CD99L2: variants seen among roughly 807,000 people sequenced by gnomAD.
CD99L2 encodes CD99 molecule like 2, also known as CD99 antigen-like protein 2.
A neutral mutation model predicts 27.3 loss-of-function variants in CD99L2; 24 were observed. That is an observed-to-expected ratio of 0.88 (90% CI 0.64 to 1.24). The LOEUF (loss-of-function observed/expected upper bound fraction) is 1.24. Ranked by LOEUF, CD99L2 falls within the 50% of genes most tolerant of loss-of-function variation. The pLI is 0.00. For synonymous variants in CD99L2, 97 were observed against 87.9 expected, an observed-to-expected ratio of 1.10 and a Z score of -0.58; for missense variants, 255 against 221.6, an observed-to-expected ratio of 1.15 and a Z score of -0.96.
At chrX:150,882,762 G>A (rs1442708023) in intron 1 of CD99L2, among the ~76,000 whole-genome samples, 1 of 110,339 alleles carries the variant, frequency 9.1e-6, no homozygotes, top group Non-Finnish European at 1.9e-5. Flanking sequence ...TTCTAGTAAT[G>A]GCAAAATAGA....
intron 2 of CD99L2, chrX:150,829,285 C>A: frequency 3.7e-6 from 1 of 272,414 alleles, no homozygotes; most frequent in Non-Finnish European, 7.0e-6. Context: ...AGTGAAAGAT[C>A]TCAAGATGAG....
chrX:150,805,318 G>T (rs140268218), intron 4 of CD99L2, among the ~76,000 whole-genome samples: 191 of 111,571 alleles, frequency 1.7e-3, no homozygotes, highest in Non-Finnish European at 2.4e-3. Flanking sequence ...GTGGCCAGGG[G>T]CTGGGGTGGG....
chrX:150,888,706 T>TA (rs2047453145), intron 1 of CD99L2, among the ~76,000 whole-genome samples: 1 of 112,538 alleles, frequency 8.9e-6, no homozygotes, highest in Non-Finnish European at 1.9e-5. Context: ...AGGGGCTATG[T>TA]AAGAAGTTCA....
chrX:150,821,319 T>C (rs782491391), intron 2 of CD99L2, among the ~76,000 whole-genome samples: 7 of 112,338 alleles, frequency 6.2e-5, no homozygotes, highest in African/African-American at 2.3e-4. Flanking sequence ...AATACACATA[T>C]AGATCAATGT....
At chrX:150,858,354 G>T (rs977039939) in intron 1 of CD99L2, among the ~76,000 whole-genome samples, 1 of 112,575 alleles carries the variant, frequency 8.9e-6, no homozygotes, top group African/African-American at 3.2e-5. Context: ...CTGGACTTTA[G>T]ATCAGATGGA....
intron 1 of CD99L2, among the ~76,000 whole-genome samples, chrX:150,834,015 C>T (rs1235321697): frequency 2.7e-5 from 3 of 111,863 alleles, no homozygotes; most frequent in Non-Finnish European, 5.6e-5. Context: ...TATTTGCAAA[C>T]CATACATCTG....
chrX:150,770,301 C>G lies in CD99L2; in HGVS notation c.721+3G>C. ...CAAGGGACAGTGAGTACAAAGTTCT[C>G]ACCTTGGGGTTCCTCACATACCACG... On this transcript the variant is annotated splice_donor_region_variant and intron_variant, in intron 10 of 10. Transcript: ENST00000370377. 1.7e-6 allele frequency: 2 copies of G among 1,210,828 alleles called. No individual in the cohort carries two copies. The highest frequency in any genetic ancestry group is 2.2e-6 in the Non-Finnish European group (2 of 894,342).
chrX:150,816,841 T>C (rs2046163750), intron 2 of CD99L2, among the ~76,000 whole-genome samples: 1 of 109,604 alleles, frequency 9.1e-6, no homozygotes, highest in Admixed American at 9.7e-5. Context: ...ATGTGGCACA[T>C]ATACACCATG....
intron 1 of CD99L2, among the ~76,000 whole-genome samples, chrX:150,849,404 T>C (rs1266383049): frequency 9.0e-6 from 1 of 111,110 alleles, no homozygotes; most frequent in Non-Finnish European, 1.9e-5. Context: ...TTTTAAAAAA[T>C]TAAAAATTAG....
intron 1 of CD99L2, among the ~76,000 whole-genome samples, chrX:150,858,349 CT>C (rs1207916028): frequency 8.9e-6 from 1 of 112,557 alleles, no homozygotes; most frequent in African/African-American, 3.2e-5. Context: ...TTAAACTGGA[CT>C]TTAGATCAGA....
At chrX:150,853,530 G>A (rs782147632) in intron 1 of CD99L2, among the ~76,000 whole-genome samples, 3 of 111,346 alleles carry the variant, frequency 2.7e-5, no homozygotes, top group African/African-American at 6.6e-5. Context: ...TTCGATAAGC[G>A]TGCACAGTCC....
chrX:150,795,586 T>C, intron 4 of CD99L2, 100 bp from the exon 5 acceptor site: 1 of 865,127 alleles, frequency 1.2e-6, no homozygotes, highest in Admixed American at 2.4e-5. Flanking sequence ...ATTCTTGTCT[T>C]GGTCCTTGAG....
At chrX:150,775,864 C>A (rs1413002835) in intron 9 of CD99L2, among the ~76,000 whole-genome samples, 1 of 112,257 alleles carries the variant, frequency 8.9e-6, no homozygotes, top group Admixed American at 9.4e-5. Context: ...CCCTCCCATT[C>A]TACGTGAAGG....
chrX:150,814,753 G>T (rs879957926), intron 4 of CD99L2, 109 bp downstream of exon 4: 4 of 668,219 alleles, frequency 6.0e-6, no homozygotes, highest in Non-Finnish European at 4.8e-6. Flanking sequence ...CCAGTGGCTT[G>T]AAGTGCCTCC....
intron 1 of CD99L2, among the ~76,000 whole-genome samples, chrX:150,891,620 C>A (rs1557422819): frequency 8.9e-6 from 1 of 111,956 alleles, no homozygotes; most frequent in Non-Finnish European, 1.9e-5. Flanking sequence ...TGCCATGGAG[C>A]CTAACATATT....
intron 4 of CD99L2, among the ~76,000 whole-genome samples, chrX:150,813,675 A>G (rs782060883): frequency 1.0e-3 from 114 of 112,320 alleles, no homozygotes; most frequent in African/African-American, 3.6e-3. Flanking sequence ...CATTTCAAGC[A>G]TTTATGTGGC....
chrX:150,815,510 G>A (rs1353453613), intron 3 of CD99L2, among the ~76,000 whole-genome samples: 4 of 111,959 alleles, frequency 3.6e-5, no homozygotes, highest in African/African-American at 9.8e-5. Flanking sequence ...CAGCCACACC[G>A]TCACATTTTT....
intron 2 of CD99L2, chrX:150,816,365 G>C (rs900111653): frequency 1.5e-5 from 5 of 325,596 alleles, no homozygotes; most frequent in South Asian, 4.5e-5. Context: ...ACCCAGATCT[G>C]CTGGAGATGG....
intron 2 of CD99L2, among the ~76,000 whole-genome samples, chrX:150,826,771 A>G (rs2124223385): frequency 8.9e-6 from 1 of 112,006 alleles, no homozygotes; most frequent in African/African-American, 3.2e-5. Flanking sequence ...AACATTCTCC[A>G]AACTCCAGCC....
Sources: allele counts gnomAD v4.1 joint callset (sites outside exome capture counted in the v4.1 genomes callset), GRCh38; gene constraint gnomAD v4.1.1; transcripts MANE v1.5; gene names NCBI Gene and HGNC (gene_info 2026-07-23, HGNC 2026-07-21).